Variants in SLC25A21 observed in about 807,000 individuals in gnomAD.
SLC25A21 encodes solute carrier family 25 member 21, also known as mitochondrial 2-oxodicarboxylate carrier.
Under a neutral mutation model 43.8 loss-of-function variants are expected in SLC25A21, and 47 were observed. The ratio of observed to expected loss-of-function variants is 1.07; its 90% CI spans 0.85 to 1.37. The LOEUF (loss-of-function observed/expected upper bound fraction) is 1.37. SLC25A21 is among the 40% of genes most tolerant of loss of function. The pLI, the probability that SLC25A21 is intolerant of heterozygous loss-of-function variation, is 0.00. For missense variants in SLC25A21, 352 were observed against 350.2 expected (o/e 1.00, Z -0.04); for synonymous variants, 131 against 121.3 (o/e 1.08, Z -0.52).
intron 1 of SLC25A21, among the ~76,000 whole-genome samples, chr14:37,006,409 T>C (rs1416863889): frequency 6.6e-6 from 1 of 152,106 alleles, no homozygotes; most frequent in Middle Eastern, 3.2e-3. Flanking sequence ...TCTTAAAATA[T>C]TATATATGTA....
At chr14:36,835,071 C>T (rs753590247) in intron 2 of SLC25A21, among the ~76,000 whole-genome samples, 2 of 152,074 alleles carry the variant, frequency 1.3e-5, no homozygotes, top group Non-Finnish European at 2.9e-5. Context: ...AATTTAGCAC[C>T]CATGCATAAA....
chr14:36,992,128 C>T (rs1230167268), intron 1 of SLC25A21, among the ~76,000 whole-genome samples: 3 of 152,190 alleles, frequency 2.0e-5, no homozygotes, highest in African/African-American at 7.2e-5. Context: ...GGCCATTAAA[C>T]GGCATCAGTA....
intron 2 of SLC25A21, among the ~76,000 whole-genome samples, chr14:36,834,055 A>G (rs1045562128): frequency 9.2e-5 from 14 of 152,210 alleles, no homozygotes; most frequent in Admixed American, 6.5e-5. Flanking sequence ...TTTGTCTCAC[A>G]ACCATCTTTT....
intron 2 of SLC25A21, among the ~76,000 whole-genome samples, chr14:36,842,634 C>T (rs1432976106): frequency 2.0e-5 from 3 of 152,022 alleles, no homozygotes; most frequent in Non-Finnish European, 4.4e-5. Flanking sequence ...ATATTGGTGC[C>T]AATAAAGAAG....
chr14:36,734,446 G>T, intron 4 of SLC25A21, 61 bp downstream of exon 4: 2 of 1,265,450 alleles, frequency 1.6e-6, no homozygotes, highest in Non-Finnish European at 2.2e-6. Flanking sequence ...TTAAGAGTTT[G>T]TTGTGCTGAA....
At chr14:37,074,139 T>C (rs1962230120) in intron 1 of SLC25A21, among the ~76,000 whole-genome samples, 1 of 151,906 alleles carries the variant, frequency 6.6e-6, no homozygotes, top group Admixed American at 6.6e-5. Flanking sequence ...ACATACAACT[T>C]AATATAAATG....
intron 3 of SLC25A21, among the ~76,000 whole-genome samples, chr14:36,746,578 C>T (rs1885508409): frequency 6.6e-6 from 1 of 152,116 alleles, no homozygotes; most frequent in Non-Finnish European, 1.5e-5. Flanking sequence ...CCCAGTTGTG[C>T]TAGTATCCCT....
intron 3 of SLC25A21, among the ~76,000 whole-genome samples, chr14:36,748,225 C>T (rs1473077994): frequency 6.6e-6 from 1 of 152,214 alleles, no homozygotes; most frequent in African/African-American, 2.4e-5. Flanking sequence ...CCTCCTGGCT[C>T]TAACGCTTCT....
chr14:36,685,609 G>C (rs1177372811), intron 7 of SLC25A21, among the ~76,000 whole-genome samples: 2 of 152,152 alleles, frequency 1.3e-5, no homozygotes, highest in East Asian at 3.8e-4. Flanking sequence ...TTCCTCCATG[G>C]CAAAGGAAGA....
Position 36,929,468 on chromosome 14 carries a change from T to C in SLC25A21, c.71-54464A>G, listed in dbSNP as rs1268372386. ...TGGAGAAAAATAGGAAAAGTAAACA[T>C]TGCAATTGTTTTTTTGTTTTTACTT... On this transcript the variant is annotated intron_variant, in intron 1 of 9. Coordinates refer to ENST00000331299, the MANE Select transcript of SLC25A21 (RefSeq NM_030631.4). Among the ~76,000 whole-genome samples the C allele has an allele frequency of 7.2e-5, 11 of 152,280 alleles. No homozygotes were observed. The East Asian group carries it at 1.7e-3, about 24-fold the overall frequency.
intron 3 of SLC25A21, among the ~76,000 whole-genome samples, chr14:36,756,534 A>G (rs1436828233): frequency 6.6e-6 from 1 of 152,200 alleles, no homozygotes; most frequent in African/African-American, 2.4e-5. Context: ...AAGGATGCGG[A>G]AAACACTTTT....
At chr14:37,106,642 C>G (rs76673942) in intron 1 of SLC25A21, among the ~76,000 whole-genome samples, 1 of 152,166 alleles carries the variant, frequency 6.6e-6, no homozygotes, top group African/African-American at 2.4e-5. Flanking sequence ...CCTGTTCCCT[C>G]AGAAGCATGT....
intron 3 of SLC25A21, among the ~76,000 whole-genome samples, chr14:36,785,630 T>C (rs915029054): frequency 1.3e-5 from 2 of 152,216 alleles, no homozygotes; most frequent in Admixed American, 6.5e-5. Context: ...CAGATCAGTG[T>C]GTCAGCATCC....
At chr14:36,699,301 C>G (rs536965629) in intron 7 of SLC25A21, among the ~76,000 whole-genome samples, 3 of 152,260 alleles carry the variant, frequency 2.0e-5, no homozygotes, top group South Asian at 4.1e-4. Flanking sequence ...ATATTGCTGC[C>G]TGGTCCTTCC....
intron 1 of SLC25A21, among the ~76,000 whole-genome samples, chr14:37,041,085 A>G (rs957647172): frequency 1.6e-4 from 24 of 152,274 alleles, no homozygotes; most frequent in African/African-American, 5.8e-4. Context: ...AGTGAAAAAG[A>G]ATAAAAAGCT....
chr14:36,814,688 T>G (rs1888392647), intron 2 of SLC25A21, among the ~76,000 whole-genome samples: 1 of 152,198 alleles, frequency 6.6e-6, no homozygotes, highest in South Asian at 2.1e-4. Context: ...GGCGAGACTG[T>G]GGAGAAATAG....
chr14:36,680,279 T>C lies in SLC25A21; in HGVS notation c.*379A>G. The C allele has an allele frequency of 1.0e-6, 1 of 968,180 alleles. No homozygotes were observed. Among genetic ancestry groups the C allele is most frequent in the South Asian group, 4.8e-5 (1 of 20,900 alleles). 60.0% of individuals were successfully genotyped at this position (968,180 alleles called of 1,614,324 possible). A position where few individuals can be genotyped will look rare whatever the true frequency, so the allele number is the denominator to read the frequency against. ...ATAATTTGATTTATTTTCAATAGTTTAAGCATTTCTAGACCTCTTAGGAAA... is the reference window on the plus strand; with the variant it reads ...ATAATTTGATTTATTTTCAATAGTTCAAGCATTTCTAGACCTCTTAGGAAA... On this transcript the variant is annotated 3_prime_UTR_variant, in exon 10 of 10. Transcript: ENST00000331299.
At chr14:37,074,542 CA>C (rs1962240330) in intron 1 of SLC25A21, among the ~76,000 whole-genome samples, 1 of 152,106 alleles carries the variant, frequency 6.6e-6, no homozygotes, top group South Asian at 2.1e-4. Flanking sequence ...TACAAGAATT[CA>C]AAAGGCAGCC....
intron 2 of SLC25A21, among the ~76,000 whole-genome samples, chr14:36,819,535 T>C (rs999766474): frequency 6.6e-6 from 1 of 152,174 alleles, no homozygotes; most frequent in Non-Finnish European, 1.5e-5. Flanking sequence ...CTTCTGAAGA[T>C]ATGGCCAAAA....
Sources: gnomAD v4.1 joint callset for allele counts (sites outside exome capture counted in the v4.1 genomes callset) on GRCh38, gnomAD v4.1.1 for gene constraint, MANE v1.5 for transcripts, NCBI Gene and HGNC (gene_info 2026-07-23, HGNC 2026-07-21) for gene names.